The following GRID2 variants were observed in gnomAD, a reference collection of about 807,000 sequenced individuals.
GRID2 encodes glutamate receptor ionotropic, delta-2.
GRID2 carries 33 observed loss-of-function variants against 114.8 expected under a neutral mutation model. The ratio of observed to expected loss-of-function variants is 0.29; its 90% CI spans 0.22 to 0.38. The LOEUF (loss-of-function observed/expected upper bound fraction) is 0.38. Among genes scored for constraint, GRID2 ranks in the 10% least tolerant of loss-of-function variants. GRID2 has a pLI of 1.00. For synonymous variants in GRID2, 505 were observed against 449.9 expected, an observed-to-expected ratio of 1.12 and a Z score of -1.55; for missense variants, 1,184 against 1,257.7, an observed-to-expected ratio of 0.94 and a Z score of 0.89.
downstream of GRID2, among the ~76,000 whole-genome samples, chr4:93,778,988 T>C (rs948927680): frequency 2.0e-5 from 3 of 152,144 alleles, no homozygotes; most frequent in Admixed American, 6.5e-5. Flanking sequence ...TTTAAACTTA[T>C]TTCTCACTCA....
chr4:92,681,247 A>T lies in GRID2; in HGVS notation c.244+90961A>T, dbSNP rs1362472075. On this transcript the variant is annotated intron_variant, in intron 2 of 15. Transcript: ENST00000282020. Reference sequence around the variant, plus strand: ...CAGTGATTGCCAGCGACTGTGGGTGAGGGTAATTGTTGAAGACAAAGGGAA... The same window carrying T: ...CAGTGATTGCCAGCGACTGTGGGTGTGGGTAATTGTTGAAGACAAAGGGAA... Among the ~76,000 whole-genome samples the T allele has an allele frequency of 1.3e-5, 2 of 152,316 alleles. 1 individual carries two copies. Among genetic ancestry groups the T allele is most frequent in the South Asian group, 4.1e-4 (2 of 4,830 alleles).
At chr4:92,339,401 C>T (rs1383722398) in intron 1 of GRID2, among the ~76,000 whole-genome samples, 3 of 152,072 alleles carry the variant, frequency 2.0e-5, no homozygotes, top group Non-Finnish European at 4.4e-5. Flanking sequence ...ATTAACTATC[C>T]TATGATAGCA....
At chr4:93,650,019 C>A (rs975894381) in intron 14 of GRID2, among the ~76,000 whole-genome samples, 3 of 152,126 alleles carry the variant, frequency 2.0e-5, no homozygotes, top group Admixed American at 6.5e-5. Flanking sequence ...GACCCAGCCC[C>A]CCATCTGCAT....
chr4:93,585,925 A>G (rs948869626), intron 13 of GRID2, among the ~76,000 whole-genome samples: 7 of 152,050 alleles, frequency 4.6e-5, no homozygotes, highest in African/African-American at 1.7e-4. Flanking sequence ...TAAATTGTTC[A>G]TGTGTGCTAG....
chr4:93,284,455 G>A (rs756179927), intron 8 of GRID2, among the ~76,000 whole-genome samples: 2 of 151,760 alleles, frequency 1.3e-5, no homozygotes, highest in Non-Finnish European at 2.9e-5. Context: ...AACCCCCTAT[G>A]ATACACATTT....
intron 9 of GRID2, among the ~76,000 whole-genome samples, chr4:93,422,400 C>T (rs765736468): frequency 6.6e-6 from 1 of 151,992 alleles, no homozygotes; most frequent in Non-Finnish European, 1.5e-5. Flanking sequence ...ATGTAATTTA[C>T]ATGGTTTACA....
At chr4:93,593,822 T>C (rs1210911510) in intron 13 of GRID2, among the ~76,000 whole-genome samples, 2 of 152,168 alleles carry the variant, frequency 1.3e-5, no homozygotes, top group Non-Finnish European at 2.9e-5. Context: ...CCATTGCTGA[T>C]ACCCTTTCTT....
intron 13 of GRID2, among the ~76,000 whole-genome samples, chr4:93,566,250 T>A (rs58040711): frequency 0.015 from 2,285 of 152,230 alleles, 53 homozygotes; most frequent in African/African-American, 0.051. Flanking sequence ...TGGATTAAAC[T>A]AAGTGCAAGA....
chr4:93,724,542 T>A (rs1729669731), intron 14 of GRID2, among the ~76,000 whole-genome samples: 1 of 152,122 alleles, frequency 6.6e-6, no homozygotes, highest in South Asian at 2.1e-4. Context: ...CCAAATTACA[T>A]GTAATTTCTC....
intron 14 of GRID2, among the ~76,000 whole-genome samples, chr4:93,675,921 C>T (rs755209517): frequency 7.2e-5 from 11 of 152,130 alleles, no homozygotes; most frequent in African/African-American, 9.7e-5. Flanking sequence ...AATTTTCACG[C>T]GTCACTGAAA....
At chr4:93,023,077 T>C (rs1255630268) in intron 2 of GRID2, among the ~76,000 whole-genome samples, 1 of 150,916 alleles carries the variant, frequency 6.6e-6, no homozygotes. Context: ...TTAAATTGGG[T>C]GGCCACAGAG....
chr4:93,243,417 G>C (rs545903890), intron 8 of GRID2, among the ~76,000 whole-genome samples: 1 of 152,098 alleles, frequency 6.6e-6, no homozygotes, highest in South Asian at 2.1e-4. Context: ...CAAAATGAAG[G>C]TTCCACTCCC....
chr4:92,890,685 C>T (rs1309247486), intron 2 of GRID2, among the ~76,000 whole-genome samples: 5 of 152,106 alleles, frequency 3.3e-5, no homozygotes, highest in East Asian at 1.9e-4. Flanking sequence ...TTAGTTCAAC[C>T]GTTGTGGAAG....
At chr4:93,130,935 A>G (rs999796312) in intron 4 of GRID2, among the ~76,000 whole-genome samples, 2 of 152,106 alleles carry the variant, frequency 1.3e-5, no homozygotes, top group East Asian at 1.9e-4. Flanking sequence ...CTCTTATCCA[A>G]TTGCATCCTT....
At chr4:92,924,896 G>T (rs17020025) in intron 2 of GRID2, among the ~76,000 whole-genome samples, 2,267 of 152,168 alleles carry the variant, frequency 0.015, 22 homozygotes, top group East Asian at 0.054. Flanking sequence ...AGCTGTTAAT[G>T]TGAGATAATA....
intron 2 of GRID2, among the ~76,000 whole-genome samples, chr4:92,763,735 G>A (rs1340433241): frequency 6.6e-6 from 1 of 152,130 alleles, no homozygotes; most frequent in African/African-American, 2.4e-5. Context: ...GTTAGCTATA[G>A]GGTTATTTGA....
At chr4:92,483,867 G>A (rs549856970) in intron 1 of GRID2, among the ~76,000 whole-genome samples, 2 of 152,176 alleles carry the variant, frequency 1.3e-5, no homozygotes, top group Non-Finnish European at 1.5e-5. Flanking sequence ...TGCCACACCT[G>A]ACAGTGTGGC....
chr4:93,144,202 A>G (rs1355115303), intron 4 of GRID2, among the ~76,000 whole-genome samples: 8 of 152,184 alleles, frequency 5.3e-5, no homozygotes, highest in Non-Finnish European at 1.2e-4. Flanking sequence ...TTTAAATAAA[A>G]GAGACTCAAG....
intron 13 of GRID2, among the ~76,000 whole-genome samples, chr4:93,541,329 C>A (rs1450137074): frequency 1.3e-5 from 2 of 152,078 alleles, no homozygotes; most frequent in African/African-American, 4.8e-5. Flanking sequence ...TGTTTCCCAG[C>A]AAAACACCCT....
Sources: allele counts gnomAD v4.1 joint callset (sites outside exome capture counted in the v4.1 genomes callset), GRCh38; gene constraint gnomAD v4.1.1; transcripts MANE v1.5; gene names NCBI Gene and HGNC (gene_info 2026-07-23, HGNC 2026-07-21).